Variants in TUSC3 observed in about 807,000 individuals in gnomAD.
TUSC3 encodes the protein tumor suppressor candidate 3.
In TUSC3, 45 loss-of-function variants were observed where a neutral mutation model predicts 44.8. The observed-to-expected ratio is 1.00, with a 90% CI of 0.79 to 1.29. TUSC3 has a LOEUF of 1.29. Ranked by LOEUF, TUSC3 falls within the 50% of genes most tolerant of loss-of-function variation. The pLI, the probability that TUSC3 is intolerant of heterozygous loss-of-function variation, is 0.00. For missense variants in TUSC3, 519 were observed against 437.9 expected, an observed-to-expected ratio of 1.19 and a Z score of -1.65; for synonymous variants, 212 against 152.9, an observed-to-expected ratio of 1.39 and a Z score of -2.85.
chr8:15,453,244 C>G (rs1440522149), intron 1 of TUSC3, among the ~76,000 whole-genome samples: 1 of 67,214 alleles, frequency 1.5e-5, no homozygotes, highest in Non-Finnish European at 3.8e-5. Context: ...ATGATTATTA[C>G]TTGCCATAAT....
At chr8:15,769,635 A>C (rs80027622), downstream of TUSC3, among the ~76,000 whole-genome samples, 1,371 of 152,328 alleles carry the variant, frequency 9.0e-3, 22 homozygotes, top group African/African-American at 0.032. Context: ...GATTAGAGCA[A>C]ACAGACAACC....
the TUSC3 span, among the ~76,000 whole-genome samples, chr8:15,824,271 G>C: frequency 6.6e-6 from 1 of 152,096 alleles, no homozygotes; most frequent in Non-Finnish European, 1.5e-5. Context: ...TTCCCAGTAG[G>C]ATACTTTCAA....
chr8:15,530,516 G>C (rs1430041138), intron 2 of TUSC3, among the ~76,000 whole-genome samples: 2 of 152,258 alleles, frequency 1.3e-5, no homozygotes, highest in Admixed American at 6.5e-5. Flanking sequence ...ACTGAGCACA[G>C]AGATGTGAAA....
At chr8:15,456,474 A>G (rs1800258086) in intron 1 of TUSC3, among the ~76,000 whole-genome samples, 1 of 152,188 alleles carries the variant, frequency 6.6e-6, no homozygotes, top group South Asian at 2.1e-4. Context: ...TGGAAGAATA[A>G]GAAAAGAGAG....
At chr8:15,593,993 G>T (rs1462406714) in intron 1 of TUSC3, among the ~76,000 whole-genome samples, 1 of 151,968 alleles carries the variant, frequency 6.6e-6, no homozygotes. Context: ...ACTAACTTTG[G>T]CATGTACTAA....
At position 15,571,416 on chromosome 8, in the gene TUSC3, C is replaced by T. The variant is rs189457534; in HGVS notation, c.138+30848C>T. Among the ~76,000 whole-genome samples, 579 of 152,246 alleles carry T rather than the reference C, an allele frequency of 3.8e-3. 6 individuals are homozygous for T. The highest frequency in any genetic ancestry group is 6.2e-3 in the Non-Finnish European group (421 of 68,018). On this transcript the variant is annotated intron_variant, in intron 1 of 10. Transcript: ENST00000503731. ...AGTGCATTTAGAAGTTAGGTTTACACTGTATTGTTGTCTATTAAATGTGCA... is the reference window on the plus strand; with the variant it reads ...AGTGCATTTAGAAGTTAGGTTTACATTGTATTGTTGTCTATTAAATGTGCA...
At chr8:15,786,814 G>T in the TUSC3 span, among the ~76,000 whole-genome samples, 1 of 151,556 alleles carries the variant, frequency 6.6e-6, no homozygotes, top group Non-Finnish European at 1.5e-5. Context: ...TGTGGTGGTG[G>T]GCGCCTGTAA....
chr8:15,622,327 T>C (rs1164281643), intron 1 of TUSC3, among the ~76,000 whole-genome samples: 2 of 152,026 alleles, frequency 1.3e-5, no homozygotes, highest in Non-Finnish European at 1.5e-5. Flanking sequence ...AGACAGTGTC[T>C]TACTGTGTTG....
intron 1 of TUSC3, among the ~76,000 whole-genome samples, chr8:15,589,712 G>GT (rs72007723): frequency 0.22 from 33,249 of 151,804 alleles, 3,795 homozygotes; most frequent in East Asian, 0.44. Flanking sequence ...TGATTATTTT[G>GT]TTTTTTGTAC....
chr8:15,806,589 C>G, the TUSC3 span: 1 of 1,471,510 alleles, frequency 6.8e-7, no homozygotes, highest in South Asian at 1.1e-5. Context: ...CTATCACATG[C>G]AAGGATAATG....
the TUSC3 span, among the ~76,000 whole-genome samples, chr8:15,787,193 G>A: frequency 6.6e-6 from 1 of 152,060 alleles, no homozygotes; most frequent in African/African-American, 2.4e-5. Flanking sequence ...TTTGTATAGA[G>A]TGTGTTAAAT....
rs1355388577 is a variant in TUSC3 at position 15,581,395 on chromosome 8, T to A, written c.138+40827T>A. On this transcript the variant is annotated intron_variant, in intron 1 of 10. Transcript: ENST00000503731. ...TTCCTTTGGAGGAGGAGAGGCGCTC[T>A]GCATTTTAGAGTTTCCAGTTTTTCA... 4.2e-3 allele frequency among the ~76,000 whole-genome samples: 624 copies of A among 147,974 alleles called. 9 individuals carry two copies. The highest frequency in any genetic ancestry group is 0.016 in the African/African-American group (589 of 37,994).
chr8:15,701,056 G>A (rs1695354233), intron 6 of TUSC3, among the ~76,000 whole-genome samples: 1 of 151,714 alleles, frequency 6.6e-6, no homozygotes, highest in Admixed American at 6.6e-5. Context: ...TTTAACTAGA[G>A]GGACAAACAC....
intron 8 of TUSC3, 58 bp from the exon 9 acceptor site, chr8:15,748,316 CA>C (rs908868189): frequency 1.6e-6 from 2 of 1,253,622 alleles, no homozygotes; most frequent in African/African-American, 3.0e-5. Context: ...AAAATATAAA[CA>C]ATTGGGGTTT....
the TUSC3 span, among the ~76,000 whole-genome samples, chr8:15,786,692 C>G: frequency 5.9e-5 from 9 of 151,952 alleles, no homozygotes; most frequent in Non-Finnish European, 8.8e-5. Flanking sequence ...CGCCTGTAAT[C>G]CCAGCACTTT....
chr8:15,491,050 C>G (rs1487116018), intron 2 of TUSC3, among the ~76,000 whole-genome samples: 2 of 152,174 alleles, frequency 1.3e-5, no homozygotes, highest in African/African-American at 2.4e-5. Flanking sequence ...TCACTGAACA[C>G]ACATTTTACA....
At chr8:15,707,718 A>T (rs917773098) in intron 6 of TUSC3, among the ~76,000 whole-genome samples, 2 of 152,006 alleles carry the variant, frequency 1.3e-5, no homozygotes, top group Non-Finnish European at 2.9e-5. Context: ...TGGGAATTTG[A>T]CATGTGCATC....
intron 1 of TUSC3, among the ~76,000 whole-genome samples, chr8:15,570,271 C>CACATTTTATAATGTATTTT (rs1802825027): frequency 8.2e-6 from 1 of 122,226 alleles, no homozygotes; most frequent in Admixed American, 7.4e-5. Context: ...ATTTTACACA[C>CACATTTTATAATGTATTTT]ACACACACAC....
intron 6 of TUSC3, among the ~76,000 whole-genome samples, chr8:15,709,087 G>A (rs938473013): frequency 6.6e-6 from 1 of 151,810 alleles, no homozygotes; most frequent in African/African-American, 2.4e-5. Context: ...TGGTGTTTTT[G>A]TACAGGAAAG....
Sources: allele counts gnomAD v4.1 joint callset (sites outside exome capture counted in the v4.1 genomes callset), GRCh38; gene constraint gnomAD v4.1.1; transcripts MANE v1.5; gene names NCBI Gene and HGNC (gene_info 2026-07-23, HGNC 2026-07-21).